Variants in KEL observed in about 807,000 individuals in gnomAD.
KEL encodes the protein Kell metallo-endopeptidase (Kell blood group).
A neutral mutation model predicts 99.5 loss-of-function variants in KEL; 96 were observed. The ratio of observed to expected loss-of-function variants is 0.97; its 90% confidence interval spans 0.82 to 1.14. The LOEUF (loss-of-function observed/expected upper bound fraction) is 1.14. KEL is among the 50% of genes most tolerant of loss of function. The pLI is 0.00. For missense variants in KEL, 926 were observed against 924.2 expected, an observed-to-expected ratio of 1.00 and a Z score of -0.03; for synonymous variants, 355 against 354.8, an observed-to-expected ratio of 1.00 and a Z score of -0.01.
chr7:142,960,689 G>A (rs973066681), intron 4 of KEL, among the ~76,000 whole-genome samples: 14 of 151,948 alleles, frequency 9.2e-5, no homozygotes, highest in African/African-American at 2.9e-4. Context: ...CAAGAGAAAC[G>A]GAAGAAGGGT....
chr7:142,950,596 C>G (rs773928307), intron 10 of KEL, among the ~76,000 whole-genome samples: 2 of 152,234 alleles, frequency 1.3e-5, no homozygotes, highest in African/African-American at 2.4e-5. Context: ...GCTCCCTGAT[C>G]TCTCCCTCTT....
chr7:142,953,475 G>T, intron 9 of KEL: 1 of 824,920 alleles, frequency 1.2e-6, no homozygotes, highest in Non-Finnish European at 1.5e-6. Flanking sequence ...TGTCTTCTGT[G>T]TCTGGGTCTT....
At chr7:142,957,750 A>C (rs1796861091) in intron 6 of KEL, 77 bp downstream of exon 6, 10 of 1,579,080 alleles carry the variant, frequency 6.3e-6, no homozygotes, top group Non-Finnish European at 8.7e-6. Context: ...CCAACCTGCA[A>C]CCTTCCTCTA....
chr7:142,962,039 C>A (rs1796972960), intron 1 of KEL, 165 bp downstream of exon 1: 4 of 1,609,812 alleles, frequency 2.5e-6, no homozygotes, highest in Non-Finnish European at 3.4e-6. Context: ...ACGAACCTGT[C>A]CCCTGAATGT....
At chr7:142,947,824 A>G (rs1038430019) in intron 10 of KEL, among the ~76,000 whole-genome samples, 2 of 152,126 alleles carry the variant, frequency 1.3e-5, no homozygotes, top group South Asian at 2.1e-4. Flanking sequence ...CACCTGGCCA[A>G]CCTTGTCTCT....
At chr7:142,944,249 CAA>C in intron 13 of KEL, 72 bp downstream of exon 13, 1 of 1,244,852 alleles carries the variant, frequency 8.0e-7, no homozygotes, top group South Asian at 1.2e-5. Context: ...GATTGTCCAA[CAA>C]AGACTTAGGA....
chr7:142,957,046 T>C (rs1796845194), intron 6 of KEL, among the ~76,000 whole-genome samples: 1 of 152,176 alleles, frequency 6.6e-6, no homozygotes, highest in Non-Finnish European at 1.5e-5. Flanking sequence ...TAAAGCATGG[T>C]CCTGTTCTAA....
chr7:142,962,061 A>ATTACCCCCATT, intron 1 of KEL, 143 bp downstream of exon 1: 1 of 1,610,270 alleles, frequency 6.2e-7, no homozygotes, highest in African/African-American at 1.3e-5. Context: ...CCATTTCTCG[A>ATTACCCCCATT]TCCCTCTCCC....
chr7:142,957,522 G>C (rs961068105), intron 6 of KEL, among the ~76,000 whole-genome samples: 1 of 152,162 alleles, frequency 6.6e-6, no homozygotes, highest in Non-Finnish European at 1.5e-5. Context: ...AAAATAAAGA[G>C]TAAATAAAAT....
chr7:142,954,756 G>A (rs1206172021), intron 6 of KEL, among the ~76,000 whole-genome samples: 3 of 152,090 alleles, frequency 2.0e-5, no homozygotes. Flanking sequence ...AACCAGTGTG[G>A]GTGTGCCCAG....
At chr7:142,951,762 A>G (rs1191473237) in intron 10 of KEL, among the ~76,000 whole-genome samples, 1 of 152,192 alleles carries the variant, frequency 6.6e-6, no homozygotes, top group Non-Finnish European at 1.5e-5. Context: ...TTGCCAAAGC[A>G]GAGAGTTTCT....
chr7:142,945,140 A>G (rs1423095684), intron 11 of KEL, among the ~76,000 whole-genome samples: 3 of 151,354 alleles, frequency 2.0e-5, no homozygotes, highest in African/African-American at 2.4e-5. Flanking sequence ...TAAACCGTCC[A>G]CTCCCTCTCC....
At chr7:142,952,743 C>G in intron 9 of KEL, 105 bp from the exon 10 acceptor site, 1 of 1,303,440 alleles carries the variant, frequency 7.7e-7, no homozygotes, top group Non-Finnish European at 1.1e-6. Flanking sequence ...AAGGCAGCTC[C>G]TTCTCCTCTG....
chr7:142,961,171 G>A, intron 3 of KEL, 67 bp from the exon 4 acceptor site: 1 of 1,573,688 alleles, frequency 6.4e-7, no homozygotes, highest in South Asian at 1.1e-5. Context: ...AAGGGGCTAG[G>A]CAAAGAACAT....
intron 10 of KEL, among the ~76,000 whole-genome samples, chr7:142,948,654 A>G (rs1796595084): frequency 6.6e-6 from 1 of 152,224 alleles, no homozygotes; most frequent in East Asian, 1.9e-4. Flanking sequence ...CTGAAGAAAA[A>G]TAATGCCAAA....
At chr7:142,961,155 T>A in intron 3 of KEL, 51 bp from the exon 4 acceptor site, 1 of 1,600,982 alleles carries the variant, frequency 6.2e-7, no homozygotes, top group Non-Finnish European at 8.5e-7. Context: ...AGACAAGGGC[T>A]CCCCCAAGGG....
chr7:142,941,554 G>C (rs1188168448), intron 18 of KEL, 141 bp from the exon 19 acceptor site: 2 of 724,192 alleles, frequency 2.8e-6, no homozygotes, highest in Non-Finnish European at 4.5e-6. Context: ...CATTTGAAAT[G>C]TATAGTTCAT....
In KEL at chr7:142,944,333, T is replaced by A. The variant is rs61729032; in HGVS notation, c.1481A>T (p.Glu494Val). 7.5e-4 allele frequency: 1,206 copies of A among 1,613,748 alleles called. 8 individuals are homozygous for A. The highest frequency in any genetic ancestry group is 5.4e-3 in the East Asian group (241 of 44,866). The stretch of plus-strand genomic sequence containing the variant: ...AACACAGGGACCCACATCGTTGTAT[T>A]CTTGTCGGGCCAGCTCTGGCTTCAG... ...WALKPELARQ[E>V]YNDIQLGSSF... is the part of the protein sequence containing the mutation. Residue 494 changes from glutamate (E) to valine (V), a missense_variant, in exon 13 of 19, where the codon GAA (glutamate) becomes GTA (valine). By Grantham distance (121) the Glu-to-Val change is moderately radical (BLOSUM62 -2). Transcript: ENST00000355265.
At chr7:142,957,142 A>G (rs1417005456) in intron 6 of KEL, among the ~76,000 whole-genome samples, 5 of 152,242 alleles carry the variant, frequency 3.3e-5, no homozygotes, top group Non-Finnish European at 7.3e-5. Flanking sequence ...CACCTAACTC[A>G]TAACTAGGGT....
Sources: gnomAD v4.1 joint callset for allele counts (sites outside exome capture counted in the v4.1 genomes callset) on GRCh38, gnomAD v4.1.1 for gene constraint, MANE v1.5 for transcripts, NCBI Gene and HGNC (gene_info 2026-07-23, HGNC 2026-07-21) for gene names.